Variants in PCDHAC1 observed in about 807,000 individuals in gnomAD.
The protein encoded by PCDHAC1 is protocadherin alpha-C1.
In PCDHAC1, 42 loss-of-function variants were observed where a neutral mutation model predicts 60.0. That is an observed-to-expected ratio of 0.70 (90% CI 0.55 to 0.90). The LOEUF is 0.90. Ranked by LOEUF, PCDHAC1 falls within the 40% of genes least tolerant of loss-of-function variation. PCDHAC1 has a pLI of 0.00. For synonymous variants in PCDHAC1, 468 were observed against 499.3 expected, an observed-to-expected ratio of 0.94 and a Z score of 0.84; for missense variants, 1,160 against 1,222.3, an observed-to-expected ratio of 0.95 and a Z score of 0.76.
chr5:140,984,258 CA>C (rs1563514144), intron 3 of PCDHAC1, among the ~76,000 whole-genome samples: 1 of 152,262 alleles, frequency 6.6e-6, no homozygotes, highest in East Asian at 1.9e-4. Context: ...TGGTAAGCCA[CA>C]AACTAACTTT....
At chr5:140,993,023 G>C (rs2097537603) in intron 3 of PCDHAC1, among the ~76,000 whole-genome samples, 1 of 152,146 alleles carries the variant, frequency 6.6e-6, no homozygotes. Flanking sequence ...AGCATCCCCT[G>C]TGGGCTCCGT....
At chr5:140,931,405 G>A (rs1395168165) in intron 1 of PCDHAC1, among the ~76,000 whole-genome samples, 1 of 151,984 alleles carries the variant, frequency 6.6e-6, no homozygotes, top group South Asian at 2.1e-4. Flanking sequence ...CGATAGGAAG[G>A]CTGATGAATC....
intron 3 of PCDHAC1, among the ~76,000 whole-genome samples, chr5:141,000,395 C>A (rs664650): frequency 0.072 from 3,868 of 53,704 alleles, 168 homozygotes; most frequent in Non-Finnish European, 0.081. Flanking sequence ...CTCTCTCTCT[C>A]TATATATATA....
In PCDHAC1 at chr5:140,927,406, G is replaced by A. The variant is rs782729912; in HGVS notation, c.514G>A (p.Asp172Asn). Reference protein sequence around the residue: ...SLSPSQHFRLDMGSRVDGSEY... With the variant: ...SLSPSQHFRLNMGSRVDGSEY... ...AAGCCCCAGTCAGCACTTTCGCCTG[G>A]ACATGGGATCGCGGGTTGACGGCAG... Residue 172 changes from aspartate (D) to asparagine (N), a missense_variant, in exon 1 of 4, where the codon GAC (aspartate) becomes AAC (asparagine). Physicochemically the swap from Asp to Asn is conservative, Grantham distance 23 (BLOSUM62 1). Coordinates refer to ENST00000253807, the MANE Select transcript of PCDHAC1 (RefSeq NM_018898.5). 2 of 1,614,210 alleles carry A rather than the reference G, an allele frequency of 1.2e-6. No homozygotes were observed. Among genetic ancestry groups the A allele is most frequent in the Admixed American group, 1.7e-5 (1 of 60,024 alleles).
chr5:141,003,352 C>T (rs747533399), intron 3 of PCDHAC1, among the ~76,000 whole-genome samples: 38 of 152,318 alleles, frequency 2.5e-4, no homozygotes, highest in Non-Finnish European at 1.5e-4. Context: ...TGCTCTGTCA[C>T]CCAGGCTGGA....
chr5:141,001,936 C>A (rs1440677153), intron 3 of PCDHAC1, among the ~76,000 whole-genome samples: 3 of 151,788 alleles, frequency 2.0e-5, no homozygotes, highest in Non-Finnish European at 2.9e-5. Context: ...GGGTGGTGAG[C>A]GGAAATAAGG....
At chr5:140,972,729 T>G (rs574244702) in intron 1 of PCDHAC1, among the ~76,000 whole-genome samples, 47 of 147,600 alleles carry the variant, frequency 3.2e-4, no homozygotes, top group African/African-American at 1.1e-3. Context: ...AGTGGCGTAA[T>G]CCCGGCTCAC....
At chr5:141,006,169 A>G (rs553035949) in intron 3 of PCDHAC1, among the ~76,000 whole-genome samples, 4 of 149,840 alleles carry the variant, frequency 2.7e-5, no homozygotes, top group Non-Finnish European at 5.9e-5. Flanking sequence ...TCTGATTTAT[A>G]TTTTTAAAAG....
At chr5:140,958,192 C>G (rs1554223363) in intron 1 of PCDHAC1, among the ~76,000 whole-genome samples, 1 of 151,790 alleles carries the variant, frequency 6.6e-6, no homozygotes, top group Non-Finnish European at 1.5e-5. Context: ...TGTTACTGGT[C>G]TAGTATACAA....
intron 1 of PCDHAC1, among the ~76,000 whole-genome samples, chr5:140,965,098 A>G (rs1554227430): frequency 6.6e-6 from 1 of 152,244 alleles, no homozygotes; most frequent in African/African-American, 2.4e-5. Flanking sequence ...GTCCATAGCT[A>G]GAAAATGACC....
chr5:140,971,165 G>C (rs1390176241), intron 1 of PCDHAC1, among the ~76,000 whole-genome samples: 1 of 152,136 alleles, frequency 6.6e-6, no homozygotes, highest in Non-Finnish European at 1.5e-5. Context: ...GCTCAGCTTT[G>C]CCACCAGCTG....
At chr5:140,962,543 G>A (rs962454688) in intron 1 of PCDHAC1, among the ~76,000 whole-genome samples, 1 of 152,176 alleles carries the variant, frequency 6.6e-6, no homozygotes, top group African/African-American at 2.4e-5. Flanking sequence ...AACTAAAAAT[G>A]TAGAGGATCT....
chr5:140,966,529 G>C (rs1382443921), intron 1 of PCDHAC1: 5 of 446,974 alleles, frequency 1.1e-5, no homozygotes, highest in Non-Finnish European at 1.9e-5. Flanking sequence ...GCCGAGCCGG[G>C]TTGAGCGACT....
chr5:140,963,529 C>T (rs1332936829), intron 1 of PCDHAC1, among the ~76,000 whole-genome samples: 1 of 152,176 alleles, frequency 6.6e-6, no homozygotes, highest in Non-Finnish European at 1.5e-5. Flanking sequence ...ACAGAAGTCC[C>T]ATTTACTTCA....
rs781833160 is a variant in PCDHAC1 at position 140,927,229 on chromosome 5, C to G, written c.337C>G (p.His113Asp). ...DPLELHKIRI[H>D]VLDTNDNSPL... is the part of the protein sequence containing the mutation. ...GCTGGAGCTGCACAAGATTCGGATTCACGTCCTGGACACCAATGACAACTC... is the reference window on the plus strand; with the variant it reads ...GCTGGAGCTGCACAAGATTCGGATTGACGTCCTGGACACCAATGACAACTC... The change falls in exon 1 of 4, where the codon CAC (histidine) becomes GAC (aspartate). Residue 113 changes from histidine (H) to aspartate (D), a missense_variant. Around this residue, in one of 3 missense-constraint regions of PCDHAC1, gnomAD observed 1,113 missense variants for 1,163.7 expected, o/e 0.96. Coordinates refer to ENST00000253807, the MANE Select transcript of PCDHAC1 (RefSeq NM_018898.5). 1.2e-6 allele frequency: 2 copies of G among 1,614,008 alleles called. No individual in the cohort carries two copies. Among genetic ancestry groups the G allele is most frequent in the African/African-American group, 1.3e-5 (1 of 74,930 alleles).
chr5:140,982,380 C>G, intron 2 of PCDHAC1, 95 bp from the exon 3 acceptor site: 1 of 1,577,206 alleles, frequency 6.3e-7, no homozygotes, highest in Non-Finnish European at 8.6e-7. Flanking sequence ...AGCTGCAGCC[C>G]TGGCTTCATA....
intron 1 of PCDHAC1, among the ~76,000 whole-genome samples, chr5:140,954,317 G>A (rs571385484): frequency 2.6e-5 from 4 of 152,292 alleles, no homozygotes; most frequent in East Asian, 3.9e-4. Context: ...GGATTGCTGC[G>A]TCAAATGGTA....
chr5:140,941,251 CTTTCTCTT>C (rs1456097006), intron 1 of PCDHAC1, among the ~76,000 whole-genome samples: 2 of 121,786 alleles, frequency 1.6e-5, no homozygotes, highest in Non-Finnish European at 3.5e-5. Context: ...TTCTTTCTTT[CTTTCTCTT>C]TCTTTCTTTC....
Position 140,956,487 on chromosome 5 carries a change from C to G in PCDHAC1, c.2434-22462C>G, listed in dbSNP as rs2095287981. The stretch of plus-strand genomic sequence containing the variant: ...GCATATGTTGAACCAGTCTTGCATC[C>G]CAGGGATGAAGCCTACTTGATCATG... On this transcript the variant is annotated intron_variant, in intron 1 of 3. Transcript: ENST00000253807. Among the ~76,000 whole-genome samples, 2 of 152,032 alleles carry G rather than the reference C, an allele frequency of 1.3e-5. 1 individual carries two copies. Among genetic ancestry groups the G allele is most frequent in the Admixed American group, 1.3e-4 (2 of 15,252 alleles).
Sources: gnomAD v4.1 joint callset for allele counts (sites outside exome capture counted in the v4.1 genomes callset) on GRCh38, gnomAD v4.1.1 for gene constraint, gnomAD v4.1.1 regional missense constraint, MANE v1.5 for transcripts, NCBI Gene and HGNC (gene_info 2026-07-23, HGNC 2026-07-21) for gene names.